Variants in ZNF469 observed in about 807,000 individuals in gnomAD.
ZNF469 encodes zinc finger protein 469.
A neutral mutation model predicts 1.0 loss-of-function variants in ZNF469; 1 was observed. The ratio of observed to expected loss-of-function variants is 1.00; its 90% confidence interval spans 0.35 to 4.73. The LOEUF (loss-of-function observed/expected upper bound fraction) is 4.73, where lower values mean the gene tolerates loss of function less well. Among genes scored for constraint, ZNF469 ranks in the 30% most tolerant of loss-of-function variants. The probability of loss-of-function intolerance (pLI) is 0.16; values close to 1 mark genes in which losing one functional copy is unlikely to be tolerated. For synonymous variants in ZNF469, 2,703 were observed against 2,363.4 expected, an observed-to-expected ratio of 1.14 and a Z score of -4.17; for missense variants, 6,100 against 5,356.3, an observed-to-expected ratio of 1.14 and a Z score of -4.33.
the ZNF469 span, among the ~76,000 whole-genome samples, chr16:88,280,007 G>A: frequency 6.6e-6 from 1 of 151,462 alleles, no homozygotes; most frequent in African/African-American, 2.4e-5. Flanking sequence ...GGTTAGTGCT[G>A]TGCCATGCTG....
chr16:88,172,819 G>A, the ZNF469 span, among the ~76,000 whole-genome samples: 1 of 152,200 alleles, frequency 6.6e-6, no homozygotes, highest in Non-Finnish European at 1.5e-5. Flanking sequence ...TACCTGAAAT[G>A]AAAAATACAC....
At chr16:88,213,544 G>C in the ZNF469 span, among the ~76,000 whole-genome samples, 2,078 of 152,322 alleles carry the variant, frequency 0.014, 45 homozygotes, top group African/African-American at 0.048. Flanking sequence ...TTCGGGGTGA[G>C]CATGGAGAAG....
chr16:88,142,573 A>G, the ZNF469 span, among the ~76,000 whole-genome samples: 1 of 152,226 alleles, frequency 6.6e-6, no homozygotes, highest in Non-Finnish European at 1.5e-5. Flanking sequence ...GTGAGCCTCA[A>G]GTCTCAGGAG....
the ZNF469 span, among the ~76,000 whole-genome samples, chr16:88,313,583 T>A: frequency 6.7e-5 from 10 of 149,730 alleles, no homozygotes; most frequent in Non-Finnish European, 1.3e-4. Context: ...AAGACAATGA[T>A]GGTGTGGACT....
chr16:88,166,606 C>G, the ZNF469 span, among the ~76,000 whole-genome samples: 2 of 152,024 alleles, frequency 1.3e-5, no homozygotes, highest in Admixed American at 1.3e-4. This position sits in a 1 kb window ranked among gnomAD's most constrained non-coding sequence, Gnocchi z 4.5. Flanking sequence ...ACTGTTTCAT[C>G]AAAAATAGTT....
the ZNF469 span, among the ~76,000 whole-genome samples, chr16:88,128,465 C>A: frequency 6.6e-6 from 1 of 152,142 alleles, no homozygotes; most frequent in African/African-American, 2.4e-5. Context: ...CAAATACAAT[C>A]GATCCTCCAT....
At chr16:88,423,086 G>C (rs1384933905) in intron 1 of ZNF469, among the ~76,000 whole-genome samples, 1 of 144,592 alleles carries the variant, frequency 6.9e-6, no homozygotes, top group African/African-American at 2.6e-5. Context: ...ATAGATGGAT[G>C]ATGATGATGA....
chr16:88,249,662 T>A, the ZNF469 span, among the ~76,000 whole-genome samples: 1 of 151,890 alleles, frequency 6.6e-6, no homozygotes, highest in African/African-American at 2.4e-5. Flanking sequence ...GGTCTCGATC[T>A]CCTGACCTTG....
At chr16:88,133,171 C>T in the ZNF469 span, among the ~76,000 whole-genome samples, 9 of 152,368 alleles carry the variant, frequency 5.9e-5, no homozygotes, top group East Asian at 1.9e-4. Flanking sequence ...GCACCTCACT[C>T]GGGAAGGCGG....
rs777779701 is a variant in ZNF469, at chr16:88,432,390, G to A, written c.4920G>A (p.Ala1640=). 139 of 1,549,522 alleles carry A rather than the reference G, an allele frequency of 9.0e-5. No individual in the cohort carries two copies. Among genetic ancestry groups the A allele is most frequent in the Middle Eastern group, 3.3e-4 (2 of 5,992 alleles). ...VGESTAHREG[A]ESAVATVEAV... is the part of the protein sequence containing the mutation. The stretch of plus-strand genomic sequence containing the variant: ...AATCCACTGCACATCGGGAGGGTGC[G>A]GAATCGGCTGTGGCCACCGTGGAAG... Residue 1640 remains alanine, a synonymous_variant, in exon 3 of 3, where the codon GCG becomes GCA. Coordinates refer to ENST00000565624, the MANE Select transcript of ZNF469 (RefSeq NM_001367624.2).
At chr16:88,355,303 C>T in the ZNF469 span, among the ~76,000 whole-genome samples, 1 of 152,222 alleles carries the variant, frequency 6.6e-6, no homozygotes, top group South Asian at 2.1e-4. Flanking sequence ...CAAACAGTCC[C>T]CTAACCTTCT....
chr16:88,331,718 G>A, the ZNF469 span, among the ~76,000 whole-genome samples: 100 of 91,826 alleles, frequency 1.1e-3, no homozygotes, highest in African/African-American at 2.1e-3. Flanking sequence ...CATCACCATC[G>A]TCACCATCAC....
the ZNF469 span, among the ~76,000 whole-genome samples, chr16:88,170,413 T>A: frequency 6.6e-6 from 1 of 152,208 alleles, no homozygotes; most frequent in Non-Finnish European, 1.5e-5. This position sits in a 1 kb window ranked among gnomAD's most constrained non-coding sequence, Gnocchi z 4.2. Flanking sequence ...CTGAAAGTTC[T>A]CACTCTTTGA....
chr16:88,195,375 G>A, the ZNF469 span, among the ~76,000 whole-genome samples: 28 of 152,324 alleles, frequency 1.8e-4, no homozygotes, highest in Non-Finnish European at 2.9e-4. Flanking sequence ...AGCTGTGTTC[G>A]TGGGCCCCGC....
chr16:88,390,838 C>A (rs1178517258), intron 1 of ZNF469, among the ~76,000 whole-genome samples: 1 of 151,834 alleles, frequency 6.6e-6, no homozygotes, highest in East Asian at 1.9e-4. Flanking sequence ...GTTCTCCAAG[C>A]ATGCCAGATG....
At chr16:88,272,075 A>T in the ZNF469 span, among the ~76,000 whole-genome samples, 1 of 151,362 alleles carries the variant, frequency 6.6e-6, no homozygotes, top group East Asian at 1.9e-4. Flanking sequence ...AGATGGATAG[A>T]TAAATGGGTG....
the ZNF469 span, among the ~76,000 whole-genome samples, chr16:88,251,865 C>T: frequency 6.6e-6 from 1 of 151,892 alleles, no homozygotes; most frequent in Non-Finnish European, 1.5e-5. Context: ...GGCCCCTGCT[C>T]TCTTCTTATG....
intron 1 of ZNF469, among the ~76,000 whole-genome samples, chr16:88,387,310 G>T (rs1188038542): frequency 6.6e-6 from 1 of 152,194 alleles, no homozygotes; most frequent in African/African-American, 2.4e-5. Flanking sequence ...GTGAGTCCAC[G>T]TCACTCCCGG....
At chr16:88,293,314 T>TTGGATGGATGGA in the ZNF469 span, among the ~76,000 whole-genome samples, 3,018 of 146,792 alleles carry the variant, frequency 0.021, 60 homozygotes, top group African/African-American at 0.023. Flanking sequence ...GGATGGGTAA[T>TTGGATGGATGGA]TGGATGGATG....
Sources: gnomAD v4.1 joint callset for allele counts (sites outside exome capture counted in the v4.1 genomes callset) on GRCh38, gnomAD v4.1.1 for gene constraint, Gnocchi (gnomAD v3.1) non-coding constraint, MANE v1.5 for transcripts, NCBI Gene and HGNC (gene_info 2026-07-23, HGNC 2026-07-21) for gene names.